The following SOX5 variants were observed in gnomAD, a reference collection of about 807,000 sequenced individuals.
SOX5 encodes the protein transcription factor SOX-5.
A neutral mutation model predicts 92.0 loss-of-function variants in SOX5; 9 were observed. That is an observed-to-expected ratio of 0.10 (90% confidence interval 0.06 to 0.17). The LOEUF (loss-of-function observed/expected upper bound fraction) is 0.17. SOX5 is among the 10% of genes least tolerant of loss of function. The pLI is 1.00. For synonymous variants in SOX5, 344 were observed against 336.3 expected (o/e 1.02, Z -0.25); for missense variants, 642 against 944.5 (o/e 0.68, Z 4.20).
chr12:24,271,125 C>A (rs75966089), intron 3 of SOX5, among the ~76,000 whole-genome samples: 2,704 of 152,286 alleles, frequency 0.018, 58 homozygotes, highest in African/African-American at 0.056. Flanking sequence ...CAACTTACAT[C>A]CCAACAAGCC....
intron 2 of SOX5, among the ~76,000 whole-genome samples, chr12:24,338,650 C>T (rs1178262092): frequency 6.6e-6 from 1 of 152,038 alleles, no homozygotes; most frequent in Non-Finnish European, 1.5e-5. Flanking sequence ...TCCCATAATC[C>T]CCATGTGTTG....
intron 2 of SOX5, among the ~76,000 whole-genome samples, chr12:24,297,357 T>G (rs1214740755): frequency 6.6e-6 from 1 of 152,226 alleles, no homozygotes; most frequent in East Asian, 1.9e-4. Flanking sequence ...TCAGATTTTT[T>G]TCTTTCTTTC....
intron 1 of SOX5, among the ~76,000 whole-genome samples, chr12:24,394,125 G>T (rs987986684): frequency 1.1e-4 from 17 of 152,080 alleles, no homozygotes; most frequent in African/African-American, 4.1e-4. Flanking sequence ...ATCAGAGTGG[G>T]TTTTATCACA....
At chr12:23,665,353 T>A in intron 7 of SOX5, 91 bp downstream of exon 7, 1 of 1,366,396 alleles carries the variant, frequency 7.3e-7, no homozygotes, top group Non-Finnish European at 1.0e-6. Flanking sequence ...ATATGGGTGA[T>A]CTCATTTCTT....
intron 2 of SOX5, among the ~76,000 whole-genome samples, chr12:23,876,666 A>G (rs1234024357): frequency 1.3e-5 from 2 of 152,232 alleles, no homozygotes; most frequent in Non-Finnish European, 2.9e-5. Context: ...AGGATTATAA[A>G]TCATTCTACT....
intron 4 of SOX5, among the ~76,000 whole-genome samples, chr12:23,979,234 T>C (rs1172614994): frequency 6.6e-6 from 1 of 152,148 alleles, no homozygotes; most frequent in African/African-American, 2.4e-5. Context: ...TTGTTTTGCT[T>C]TGTCTTTGAG....
rs1321506119 is a variant in SOX5 at position 23,540,388 on chromosome 12, A to AATG, written c.1771+2822_1771+2823insCAT. Among the ~76,000 whole-genome samples, 195 of 143,274 alleles carry AATG rather than the reference A, an allele frequency of 1.4e-3. 1 individual carries two copies. The highest frequency in any genetic ancestry group is 1.4e-3 in the Non-Finnish European group (94 of 67,206). The allele number at this position is 143,274 out of a possible 152,430, so 94.0% of individuals were successfully genotyped here. On this transcript the variant is annotated intron_variant, in intron 13 of 14. Transcript: ENST00000451604. ...TAATAATAATAATAATAATAATAAT[A>AATG]ATAATAATAATAATAAAAAGCAGAG...
chr12:24,128,152 T>A (rs533191839), intron 4 of SOX5, among the ~76,000 whole-genome samples: 1 of 152,370 alleles, frequency 6.6e-6, no homozygotes, highest in South Asian at 2.1e-4. Flanking sequence ...AGTGTGCTGC[T>A]ATTGTGGGTT....
intron 3 of SOX5, among the ~76,000 whole-genome samples, chr12:24,248,903 G>GT (rs1403673625): frequency 6.6e-6 from 1 of 152,132 alleles, no homozygotes; most frequent in African/African-American, 2.4e-5. Flanking sequence ...AGATCTTGCC[G>GT]TTCAATTGAC....
intron 2 of SOX5, among the ~76,000 whole-genome samples, chr12:24,306,097 T>G (rs1948532818): frequency 6.6e-6 from 1 of 152,098 alleles, no homozygotes; most frequent in Admixed American, 6.5e-5. Context: ...ACTCTCTGCT[T>G]AAGAGATTGT....
At chr12:24,505,891 T>C (rs141209212) in intron 1 of SOX5, among the ~76,000 whole-genome samples, 3 of 56,526 alleles carry the variant, frequency 5.3e-5, no homozygotes, top group Non-Finnish European at 6.7e-5. Flanking sequence ...CTGCAGGAGA[T>C]GAGTCTAGTG....
chr12:23,822,712 G>A (rs2096144452), intron 3 of SOX5, among the ~76,000 whole-genome samples: 1 of 152,048 alleles, frequency 6.6e-6, no homozygotes, highest in South Asian at 2.1e-4. Flanking sequence ...ATTGACAGTG[G>A]GGTGCTAAAG....
intron 4 of SOX5, among the ~76,000 whole-genome samples, chr12:24,074,630 CAAAAAAAA>C (rs76320418): frequency 2.0e-5 from 1 of 51,274 alleles, no homozygotes; most frequent in Non-Finnish European, 3.5e-5. Context: ...TGTAAACTAC[CAAAAAAAA>C]AAAAAAAAAA....
intron 3 of SOX5, among the ~76,000 whole-genome samples, chr12:24,220,119 G>GT (rs1960050327): frequency 6.6e-6 from 1 of 151,852 alleles, no homozygotes; most frequent in Non-Finnish European, 1.5e-5. Flanking sequence ...AGCAGATATT[G>GT]TAATGTATAT....
chr12:24,522,127 AG>A (rs1273949813), intron 1 of SOX5, among the ~76,000 whole-genome samples: 1 of 152,028 alleles, frequency 6.6e-6, no homozygotes, highest in African/African-American at 2.4e-5. Context: ...AAAGATCATA[AG>A]AAACTATTAT....
chr12:24,418,531 T>C (rs879539538), intron 1 of SOX5, among the ~76,000 whole-genome samples: 19 of 152,318 alleles, frequency 1.2e-4, no homozygotes, highest in Admixed American at 1.2e-3. Flanking sequence ...TTTCCCAAAC[T>C]CTGTGGTCAT....
intron 1 of SOX5, among the ~76,000 whole-genome samples, chr12:24,512,525 T>C (rs1221906747): frequency 4.6e-5 from 7 of 152,228 alleles, no homozygotes; most frequent in African/African-American, 1.7e-4. Flanking sequence ...TATATGCTCC[T>C]TTTTCCCTCT....
chr12:24,049,860 G>T (rs1957395069), intron 4 of SOX5, among the ~76,000 whole-genome samples: 1 of 151,632 alleles, frequency 6.6e-6, no homozygotes, highest in South Asian at 2.1e-4. Context: ...GATTGTCGGA[G>T]GGAAGTGGAG....
chr12:24,476,520 T>G (rs1381278498), intron 1 of SOX5, among the ~76,000 whole-genome samples: 1 of 152,174 alleles, frequency 6.6e-6, no homozygotes, highest in Non-Finnish European at 1.5e-5. Flanking sequence ...CAACGAAAAC[T>G]GTCCAACAGT....
Sources: allele counts gnomAD v4.1 joint callset (sites outside exome capture counted in the v4.1 genomes callset), GRCh38; gene constraint gnomAD v4.1.1; transcripts MANE v1.5; gene names NCBI Gene and HGNC (gene_info 2026-07-23, HGNC 2026-07-21).